The following USP20 variants were observed in gnomAD, a reference collection of about 807,000 sequenced individuals.
The protein encoded by USP20 is ubiquitin carboxyl-terminal hydrolase 20.
A neutral mutation model predicts 124.2 loss-of-function variants in USP20; 80 were observed. That is an observed-to-expected ratio of 0.64 (90% CI 0.54 to 0.78). The LOEUF is 0.78. Ranked by LOEUF, USP20 falls within the 30% of genes least tolerant of loss-of-function variation. The pLI is 0.00. For missense variants in USP20, 1,043 were observed against 1,244.4 expected (o/e 0.84, Z 2.44); for synonymous variants, 481 against 512.3 (o/e 0.94, Z 0.83).
chr9:129,874,249 G>A (rs1045119936), intron 17 of USP20, among the ~76,000 whole-genome samples: 18 of 152,360 alleles, frequency 1.2e-4, no homozygotes, highest in African/African-American at 3.6e-4. Flanking sequence ...TGTGGCTGGA[G>A]CAAAGAGGAG....
chr9:129,871,311 C>G (rs1007365830), intron 15 of USP20, among the ~76,000 whole-genome samples: 1 of 135,654 alleles, frequency 7.4e-6, no homozygotes, highest in African/African-American at 2.7e-5. Flanking sequence ...GCATAACGTC[C>G]TTAGGGTTCA....
chr9:129,880,304 C>T lies in USP20; in HGVS notation c.*16+15C>T. On this transcript the variant is annotated intron_variant, in intron 25 of 25. Coordinates refer to ENST00000372429, the MANE Select transcript of USP20 (RefSeq NM_001110303.4). ...TGGGCTAGTCTGTAAGTCGCCCCGGCTGGTCCCTCCATGGCACTCTGGGTC... is the reference window on the plus strand; with the variant it reads ...TGGGCTAGTCTGTAAGTCGCCCCGGTTGGTCCCTCCATGGCACTCTGGGTC... 1 of 1,551,004 alleles carries T rather than the reference C, an allele frequency of 6.4e-7. No homozygotes were observed. Among genetic ancestry groups the T allele is most frequent in the Non-Finnish European group, 8.7e-7 (1 of 1,151,940 alleles).
In USP20 at chr9:129,876,197, C is replaced by T; in HGVS notation, c.2368C>T (p.Leu790=). 6.2e-7 allele frequency: 1 copy of T among 1,608,572 alleles called. No homozygotes were observed. The highest frequency in any genetic ancestry group is 8.5e-7 in the Non-Finnish European group (1 of 1,177,776). ...CSICQVEIEA[L]AKRRRIEIDT... ...CATCTGCCAGGTGGAGATCGAGGCA[C>T]TGGCCAAGCGCAGGAGGATCGAGAT... The change falls in exon 22 of 26, where the codon CTG becomes TTG. Residue 790 remains leucine, a synonymous_variant. Transcript: ENST00000372429.
At chr9:129,875,524 C>T (rs202209306) in intron 20 of USP20, 36 bp from the exon 21 acceptor site, 10 of 1,613,162 alleles carry the variant, frequency 6.2e-6, no homozygotes, top group East Asian at 2.2e-5. Context: ...GCAGCTGGGC[C>T]GAGCCACAGC....
chr9:129,845,994 G>A (rs2032517266), intron 1 of USP20, among the ~76,000 whole-genome samples: 1 of 151,492 alleles, frequency 6.6e-6, no homozygotes, highest in African/African-American at 2.4e-5. Context: ...GTGCGATCTC[G>A]GCTCACTGCA....
At chr9:129,867,609 C>A (rs1360025924) in intron 10 of USP20, among the ~76,000 whole-genome samples, 2 of 152,280 alleles carry the variant, frequency 1.3e-5, no homozygotes, top group Non-Finnish European at 2.9e-5. Flanking sequence ...CCCCTGCCCA[C>A]CTCCACTGGT....
rs2034399081 is a variant in USP20, at chr9:129,876,179, C to T, written c.2350C>T (p.Gln784Ter). Residue 784 changes from glutamine to a stop codon, truncating the protein, a stop_gained, in exon 22 of 26, where the codon CAG becomes TAG. Transcript: ENST00000372429. LOFTEE classifies it high-confidence loss of function. ...CCACCTGTACGTGTGCTCCATCTGC[C>T]AGGTGGAGATCGAGGCACTGGCCAA... ...VNHLYVCSICQVEIEALAKRR... is the reference protein window; with the variant it reads ...VNHLYVCSIC 1 of 1,613,306 alleles carries T rather than the reference C, an allele frequency of 6.2e-7. No homozygotes were observed. The highest frequency in any genetic ancestry group is 8.5e-7 in the Non-Finnish European group (1 of 1,180,016).
At chr9:129,846,876 C>T (rs1278249511) in intron 1 of USP20, among the ~76,000 whole-genome samples, 1 of 152,188 alleles carries the variant, frequency 6.6e-6, no homozygotes, top group Non-Finnish European at 1.5e-5. Context: ...ATCCGCCTGC[C>T]TCAGCCTCCC....
At chr9:129,868,815 G>T in intron 11 of USP20, 47 bp from the exon 12 acceptor site, 1 of 1,513,598 alleles carries the variant, frequency 6.6e-7, no homozygotes. Flanking sequence ...CACTCGTGGA[G>T]CTGGCCTGGC....
chr9:129,875,999 G>C (rs868411278), intron 21 of USP20, 131 bp from the exon 22 acceptor site: 9 of 782,016 alleles, frequency 1.2e-5, no homozygotes, highest in African/African-American at 1.1e-4. Context: ...TGCTCACACA[G>C]AGGTGCATGC....
At chr9:129,878,645 C>T (rs2296789) in intron 23 of USP20, among the ~76,000 whole-genome samples, 1,955 of 152,332 alleles carry the variant, frequency 0.013, 20 homozygotes, top group Middle Eastern at 0.027. Context: ...GGAAGCTGCT[C>T]CTGCTCTGCG....
chr9:129,866,847 C>T (rs1358040024), intron 10 of USP20, among the ~76,000 whole-genome samples: 1 of 152,216 alleles, frequency 6.6e-6, no homozygotes, highest in Non-Finnish European at 1.5e-5. Context: ...TTGAAAGCCT[C>T]TTCTTGAAAG....
intron 5 of USP20, 149 bp downstream of exon 5, chr9:129,858,261 C>A (rs1012938484): frequency 3.5e-6 from 4 of 1,128,384 alleles, no homozygotes; most frequent in Admixed American, 4.7e-5. Flanking sequence ...AGAGAGAATG[C>A]AGGTAAAAAC....
chr9:129,857,567 C>T (rs564139350), intron 4 of USP20, among the ~76,000 whole-genome samples: 1 of 152,200 alleles, frequency 6.6e-6, no homozygotes, highest in Non-Finnish European at 1.5e-5. Flanking sequence ...GGGCCCTGCT[C>T]TGGGGCACTG....
intron 24 of USP20, 91 bp from the exon 25 acceptor site, chr9:129,880,022 G>A (rs2131107555): frequency 1.3e-6 from 2 of 1,496,928 alleles, no homozygotes; most frequent in East Asian, 2.3e-5. Flanking sequence ...TCCCGCTTCG[G>A]GGCCTGGCCC....
At position 129,879,570 on chromosome 9, in the gene USP20, C is replaced by G; in HGVS notation, c.2513-3C>G. 1 of 1,613,392 alleles carries G rather than the reference C, an allele frequency of 6.2e-7. No individual in the cohort carries two copies. The highest frequency in any genetic ancestry group is 8.5e-7 in the Non-Finnish European group (1 of 1,179,876). On this transcript the variant is annotated splice_polypyrimidine_tract_variant and splice_region_variant and intron_variant, in intron 23 of 25. Transcript: ENST00000372429. This position sits in a 1 kb window ranked among gnomAD's most constrained non-coding sequence, Gnocchi z 4.2. ...GAACCCGAGCCCGCTGTGTCTGTTG[C>G]AGAGCCCCCCGGGCCCATTGACAAC...
At chr9:129,846,689 T>A (rs1246660981) in intron 1 of USP20, among the ~76,000 whole-genome samples, 1 of 150,726 alleles carries the variant, frequency 6.6e-6, no homozygotes, top group African/African-American at 2.5e-5. Context: ...AGTGGCACGA[T>A]CTTCTTGGCT....
rs76211809 is a variant in USP20, at chr9:129,880,090, G to A, written c.2585-23G>A. On this transcript the variant is annotated intron_variant, in intron 24 of 25. Transcript: ENST00000372429. ...CCTTGAGGAGGCAAAGGTGAGCCTA[G>A]GGGTGCCTCTCGTGCCCTGCAGGAG... 758 of 1,610,604 alleles carry A rather than the reference G, an allele frequency of 4.7e-4. 16 individuals carry two copies. In the East Asian group the frequency reaches 0.017, roughly 35 times the overall value.
intron 1 of USP20, among the ~76,000 whole-genome samples, chr9:129,840,688 C>G (rs1330082841): frequency 2.0e-5 from 3 of 151,954 alleles, no homozygotes; most frequent in African/African-American, 7.3e-5. Context: ...TCCTTTTCCC[C>G]TAAATATCCC....
Sources: gnomAD v4.1 joint callset for allele counts (sites outside exome capture counted in the v4.1 genomes callset) on GRCh38, gnomAD v4.1.1 for gene constraint, Gnocchi (gnomAD v3.1) non-coding constraint, MANE v1.5 for transcripts, NCBI Gene and HGNC (gene_info 2026-07-23, HGNC 2026-07-21) for gene names.